Variants in IL6R observed in about 807,000 individuals in gnomAD.
IL6R encodes the protein interleukin-6 receptor subunit alpha.
Under a neutral mutation model 48.3 loss-of-function variants are expected in IL6R, and 38 were observed. The ratio of observed to expected loss-of-function variants is 0.79; its 90% CI spans 0.61 to 1.03. IL6R has a LOEUF of 1.03. Among genes scored for constraint, IL6R ranks in the 50% least tolerant of loss-of-function variants. The pLI is 0.00. For synonymous variants in IL6R, 264 were observed against 256.2 expected, an observed-to-expected ratio of 1.03 and a Z score of -0.29; for missense variants, 534 against 618.3, an observed-to-expected ratio of 0.86 and a Z score of 1.45.
chr1:154,409,117 G>A (rs888035259), intron 1 of IL6R, among the ~76,000 whole-genome samples: 3 of 152,124 alleles, frequency 2.0e-5, no homozygotes, highest in African/African-American at 7.2e-5. Flanking sequence ...CAGTCTGGGC[G>A]ACAGGAGACC....
intron 1 of IL6R, among the ~76,000 whole-genome samples, chr1:154,425,982 G>A (rs752849237): frequency 6.7e-6 from 1 of 149,818 alleles, no homozygotes; most frequent in African/African-American, 2.5e-5. Context: ...GGCTAAGGTG[G>A]GAGGATCGCT....
chr1:154,464,536 GGACTGTTAAGT>G (rs1178988963), intron 9 of IL6R, among the ~76,000 whole-genome samples: 2 of 152,060 alleles, frequency 1.3e-5, no homozygotes, highest in African/African-American at 4.8e-5. Flanking sequence ...GACAATTAAG[GGACTGTTAAGT>G]GACTTTTTGG....
intron 1 of IL6R, among the ~76,000 whole-genome samples, chr1:154,412,734 T>A (rs1245680100): frequency 6.6e-6 from 1 of 152,186 alleles, no homozygotes; most frequent in Non-Finnish European, 1.5e-5. Context: ...AATTATCTAA[T>A]GTAATCCTGA....
chr1:154,437,434 G>A, intron 6 of IL6R: 1 of 356,674 alleles, frequency 2.8e-6, no homozygotes, highest in Non-Finnish European at 5.8e-6. Context: ...TTTTTTTGAA[G>A]ACAGGCTTTC....
rs540323216 is a variant in IL6R at position 154,450,228 on chromosome 1, C to T, written c.1066+248C>T. 2.0e-5 allele frequency among the ~76,000 whole-genome samples: 3 copies of T among 151,852 alleles called. No homozygotes were observed. The South Asian group carries it at 6.2e-4, about 32-fold the overall frequency. On this transcript the variant is annotated intron_variant, in intron 8 of 9. Coordinates refer to ENST00000368485, the MANE Select transcript of IL6R (RefSeq NM_000565.4). ...ACAACCTCTGTCTCCTGAGTTCAAGCGATTCTCCTGCCTCAGCCTCCCAAG... is the reference window on the plus strand; with the variant it reads ...ACAACCTCTGTCTCCTGAGTTCAAGTGATTCTCCTGCCTCAGCCTCCCAAG...
intron 6 of IL6R, among the ~76,000 whole-genome samples, chr1:154,440,904 A>G (rs1448289685): frequency 3.3e-5 from 5 of 152,178 alleles, no homozygotes; most frequent in South Asian, 2.1e-4. Flanking sequence ...CTGCCCATCT[A>G]TGCCTCCCAA....
At chr1:154,409,563 A>C (rs2149203074) in intron 1 of IL6R, among the ~76,000 whole-genome samples, 1 of 152,344 alleles carries the variant, frequency 6.6e-6, no homozygotes. Flanking sequence ...AGATGAGCTA[A>C]GTAAGGTATT....
intron 1 of IL6R, among the ~76,000 whole-genome samples, chr1:154,411,428 G>A (rs193194105): frequency 1.1e-3 from 170 of 152,310 alleles, no homozygotes; most frequent in African/African-American, 3.8e-3. Flanking sequence ...TGGGAATGAG[G>A]ACTGAGCTTG....
chr1:154,432,607 C>T (rs1689359889), intron 3 of IL6R, among the ~76,000 whole-genome samples: 1 of 152,186 alleles, frequency 6.6e-6, no homozygotes, highest in South Asian at 2.1e-4. Context: ...ATCCGCCTGT[C>T]TCGGCCTCCC....
chr1:154,430,014 A>G (rs1334206027), intron 2 of IL6R, among the ~76,000 whole-genome samples: 1 of 152,140 alleles, frequency 6.6e-6, no homozygotes, highest in Non-Finnish European at 1.5e-5. Flanking sequence ...CCCTATGCCA[A>G]GGCACTTTCT....
chr1:154,420,799 G>A (rs536338581), intron 1 of IL6R, among the ~76,000 whole-genome samples: 89 of 152,146 alleles, frequency 5.8e-4, no homozygotes, highest in African/African-American at 2.1e-3. Flanking sequence ...GCCTCCCAAA[G>A]TGCTGAGATT....
intron 1 of IL6R, among the ~76,000 whole-genome samples, chr1:154,420,971 T>TG (rs34859627): frequency 1.3e-5 from 2 of 152,000 alleles, no homozygotes. Context: ...AGGAGGAGCT[T>TG]GGGGGTTTGT....
intron 2 of IL6R, among the ~76,000 whole-genome samples, chr1:154,430,257 C>A (rs1234099685): frequency 6.6e-6 from 1 of 152,186 alleles, no homozygotes; most frequent in Admixed American, 6.5e-5. Context: ...TTCCCCTGTC[C>A]CGGATCCGTG....
chr1:154,456,489 G>A (rs1449834339), intron 9 of IL6R, among the ~76,000 whole-genome samples: 1 of 152,138 alleles, frequency 6.6e-6, no homozygotes, highest in Non-Finnish European at 1.5e-5. Flanking sequence ...TTACAGGCGT[G>A]AGCCACTGCA....
intron 9 of IL6R, among the ~76,000 whole-genome samples, chr1:154,455,018 A>T (rs569830408): frequency 1.3e-5 from 2 of 151,888 alleles, no homozygotes; most frequent in Admixed American, 6.5e-5. Context: ...GGTTCAAGTG[A>T]TCCTCCCACC....
At position 154,430,598 on chromosome 1, in the gene IL6R, G is replaced by A. The variant is rs375004998; in HGVS notation, c.450G>A (p.Val150=). Residue 150 remains valine, a synonymous_variant, in exon 3 of 10, where the codon GTG becomes GTA. Coordinates refer to ENST00000368485, the MANE Select transcript of IL6R (RefSeq NM_000565.4). ...PSLTTKAVLL[V]RKFQNSPAED... ...TGACGACAAAGGCTGTGCTCTTGGT[G>A]AGGAAGTTGTAAGTATCTTGGGCTG... 1.8e-5 allele frequency: 29 copies of A among 1,614,088 alleles called. No homozygotes were observed. The highest frequency in any genetic ancestry group is 2.4e-5 in the Non-Finnish European group (28 of 1,180,034).
chr1:154,458,633 G>A (rs1394564477), intron 9 of IL6R, among the ~76,000 whole-genome samples: 2 of 152,124 alleles, frequency 1.3e-5, no homozygotes, highest in African/African-American at 4.8e-5. Context: ...AGGCGCGGTG[G>A]CTCACGCCTG....
At chr1:154,438,680 G>A (rs1478589021) in intron 6 of IL6R, among the ~76,000 whole-genome samples, 1 of 152,178 alleles carries the variant, frequency 6.6e-6, no homozygotes, top group Non-Finnish European at 1.5e-5. Flanking sequence ...AGATTGGATG[G>A]TGTGGGGTGA....
chr1:154,465,704 G>A lies in IL6R; in HGVS notation c.*324G>A, dbSNP rs1055972630. On this transcript the variant is annotated 3_prime_UTR_variant, in exon 10 of 10. Coordinates refer to ENST00000368485, the MANE Select transcript of IL6R (RefSeq NM_000565.4). ...AGCTGGGCAGGTTGGTGGGGGCCTCGGTGTGGAGAAGCGGCTGGCAGCCCA... is the reference window on the plus strand; with the variant it reads ...AGCTGGGCAGGTTGGTGGGGGCCTCAGTGTGGAGAAGCGGCTGGCAGCCCA... 1.9e-5 allele frequency: 6 copies of A among 323,864 alleles called. No homozygotes were observed. Among genetic ancestry groups the A allele is most frequent in the East Asian group, 1.4e-4 (2 of 14,710 alleles). 20.1% of individuals were successfully genotyped at this position (323,864 alleles called of 1,614,324 possible).
Sources: gnomAD v4.1 joint callset for allele counts (sites outside exome capture counted in the v4.1 genomes callset) on GRCh38, gnomAD v4.1.1 for gene constraint, MANE v1.5 for transcripts, NCBI Gene and HGNC (gene_info 2026-07-23, HGNC 2026-07-21) for gene names.